DNAH6: variants seen among roughly 807,000 people sequenced by gnomAD.
The protein encoded by DNAH6 is dynein axonemal heavy chain 6.
DNAH6 carries 340 observed loss-of-function variants against 491.4 expected under a neutral mutation model. The observed-to-expected ratio is 0.69, with a 90% confidence interval of 0.63 to 0.76. The LOEUF (loss-of-function observed/expected upper bound fraction) is 0.76. Ranked by LOEUF, DNAH6 falls within the 30% of genes least tolerant of loss-of-function variation. The probability of loss-of-function intolerance (pLI) is 0.00; values close to 1 mark genes in which losing one functional copy is unlikely to be tolerated. For missense variants in DNAH6, 4,443 were observed against 4,972.2 expected, an observed-to-expected ratio of 0.89 and a Z score of 3.20; for synonymous variants, 1,603 against 1,686.1, an observed-to-expected ratio of 0.95 and a Z score of 1.21.
intron 59 of DNAH6, among the ~76,000 whole-genome samples, chr2:84,721,911 G>T (rs1374744989): frequency 2.0e-5 from 3 of 152,304 alleles, no homozygotes; most frequent in East Asian, 3.9e-4. Flanking sequence ...AAAACAGTGG[G>T]GGAAGAGAGA....
At position 84,694,243 on chromosome 2, in the gene DNAH6, T is replaced by C; in HGVS notation, c.7293-6T>C. 6.4e-7 allele frequency: 1 copy of C among 1,551,286 alleles called. No individual in the cohort carries two copies. ...TGAAATAAACCCTCTGCTCTGATGT[T>C]TGCAGGATTGCTCGGATGATACGTC... is the stretch of plus-strand genomic sequence containing the variant. On this transcript the variant is annotated splice_polypyrimidine_tract_variant and splice_region_variant and intron_variant, in intron 45 of 76. Coordinates refer to ENST00000389394, the MANE Select transcript of DNAH6 (RefSeq NM_001370.2).
At chr2:84,764,764 C>A (rs936356403) in intron 64 of DNAH6, among the ~76,000 whole-genome samples, 17 of 152,042 alleles carry the variant, frequency 1.1e-4, no homozygotes, top group African/African-American at 4.1e-4. Flanking sequence ...ACATATTATT[C>A]TTTTTTATGA....
chr2:84,466,472 A>G, the DNAH6 span, among the ~76,000 whole-genome samples: 1 of 152,270 alleles, frequency 6.6e-6, no homozygotes, highest in East Asian at 1.9e-4. Flanking sequence ...TGTTCACAGT[A>G]GCTTACTCTA....
chr2:84,547,517 G>A lies in DNAH6; in HGVS notation c.1091G>A (p.Arg364Gln), dbSNP rs770563696. Residue 364 changes from arginine to glutamine, a missense_variant, in exon 7 of 77, where the codon CGA (arginine) becomes CAA (glutamine). Coordinates refer to ENST00000389394, the MANE Select transcript of DNAH6 (RefSeq NM_001370.2). ...AEVTERLGEF[R>Q]NEAKYVVRRA... Reference sequence around the variant, plus strand: ...GTGACAGAACGCCTAGGAGAATTTCGAAATGAGGCAAAATATGTAGTCAGG... The same window carrying A: ...GTGACAGAACGCCTAGGAGAATTTCAAAATGAGGCAAAATATGTAGTCAGG... 47 of 1,551,476 alleles carry A rather than the reference G, an allele frequency of 3.0e-5. No individual in the cohort carries two copies. In the South Asian group the frequency reaches 3.7e-4, roughly 12 times the overall value.
intron 64 of DNAH6, among the ~76,000 whole-genome samples, chr2:84,770,989 C>T (rs1436603580): frequency 7.9e-6 from 1 of 127,062 alleles, no homozygotes; most frequent in Non-Finnish European, 1.7e-5. Flanking sequence ...GATCCTCTGT[C>T]AAAAAAAAAA....
the DNAH6 span, among the ~76,000 whole-genome samples, chr2:84,465,575 C>A: frequency 6.6e-6 from 1 of 152,136 alleles, no homozygotes; most frequent in Non-Finnish European, 1.5e-5. Context: ...GCAATATATT[C>A]CACAAGGGTA....
chr2:84,777,563 T>C (rs1573779383), intron 64 of DNAH6: 2 of 781,046 alleles, frequency 2.6e-6, no homozygotes, highest in East Asian at 4.9e-5. Context: ...CTTGTGAACC[T>C]CTTTCCACTG....
At chr2:84,770,763 A>T (rs1675523901) in intron 64 of DNAH6, among the ~76,000 whole-genome samples, 1 of 152,050 alleles carries the variant, frequency 6.6e-6, no homozygotes, top group Non-Finnish European at 1.5e-5. Context: ...TGGAAGGATC[A>T]TGTGAAGCTA....
chr2:84,609,627 A>G (rs527405245), intron 21 of DNAH6, among the ~76,000 whole-genome samples: 1 of 152,206 alleles, frequency 6.6e-6, no homozygotes, highest in African/African-American at 2.4e-5. Flanking sequence ...AACAATTATA[A>G]TCACAACATC....
intron 33 of DNAH6, among the ~76,000 whole-genome samples, 190 bp from the exon 34 acceptor site, chr2:84,653,129 C>T (rs2104563288): frequency 6.6e-6 from 1 of 152,080 alleles, no homozygotes; most frequent in South Asian, 2.1e-4. Context: ...AGGAAACAAA[C>T]AAAATCATAC....
At chr2:84,610,170 C>T (rs545907513) in intron 21 of DNAH6, among the ~76,000 whole-genome samples, 1 of 152,246 alleles carries the variant, frequency 6.6e-6, no homozygotes, top group South Asian at 2.1e-4. Context: ...CTTGCTGGCA[C>T]TCAGCTAGAG....
In DNAH6 at chr2:84,816,038, C is replaced by T. The variant is rs1350574249; in HGVS notation, c.12328C>T (p.Pro4110Ser). ...GCCAAGCCCAACACTTTACCACTGC[C>T]CACTTTATAAAACAGGAGCCCGGGC... The part of the protein sequence containing the change: ...YKPSPTLYHC[P>S]LYKTGARAGT... Residue 4110 changes from proline (P) to serine (S), a missense_variant, in exon 76 of 77, where the codon CCA becomes TCA. By Grantham distance (74) the Pro-to-Ser change is moderately conservative (BLOSUM62 -1). Coordinates refer to ENST00000389394, the MANE Select transcript of DNAH6 (RefSeq NM_001370.2). 1.5e-5 allele frequency: 23 copies of T among 1,551,658 alleles called. No individual in the cohort carries two copies. Among genetic ancestry groups the T allele is most frequent in the Non-Finnish European group, 1.9e-5 (22 of 1,146,994 alleles).
the DNAH6 span, among the ~76,000 whole-genome samples, chr2:84,485,611 T>C: frequency 1.3e-5 from 2 of 152,136 alleles, no homozygotes; most frequent in Admixed American, 1.3e-4. Context: ...TACGTGCTGC[T>C]GTAAACATCC....
In DNAH6 at chr2:84,621,174, C is replaced by T. The variant is rs1687359880; in HGVS notation, c.3793-17C>T. On this transcript the variant is annotated splice_polypyrimidine_tract_variant and intron_variant, in intron 24 of 76. Transcript: ENST00000389394. ...TCCCACACAAGCCACTTTATCAATG[C>T]TCTGATTACCTTTTAGGTTAGCTTG... is the stretch of plus-strand genomic sequence containing the variant. 1.3e-6 allele frequency: 2 copies of T among 1,550,756 alleles called. No homozygotes were observed. The highest frequency in any genetic ancestry group is 2.7e-5 in the African/African-American group (2 of 73,018).
In DNAH6 at chr2:84,529,117, A is replaced by G. The variant is rs1157675445; in HGVS notation, c.613A>G (p.Ile205Val). The change falls in exon 4 of 77, where the codon ATC (isoleucine) becomes GTC (valine). Residue 205 changes from isoleucine (I) to valine (V), a missense_variant. This residue lies in a region of DNAH6 where 2,977 missense variants were observed against 3,296.6 expected (regional missense o/e 0.90). Coordinates refer to ENST00000389394, the MANE Select transcript of DNAH6 (RefSeq NM_001370.2). ...TGAACATCTTGGATTTCTTTATATG[A>G]TCCCTGCAGTGCCAAGATCATCCAT... ...ENEHLGFLYM[I>V]PAVPRSSIEY... The G allele has an allele frequency of 3.9e-6, 6 of 1,550,492 alleles. No homozygotes were observed. The highest frequency in any genetic ancestry group is 2.4e-5 in the East Asian group (1 of 40,900).
chr2:84,738,535 T>C (rs1672220787), intron 62 of DNAH6, among the ~76,000 whole-genome samples: 2 of 152,214 alleles, frequency 1.3e-5, no homozygotes, highest in South Asian at 2.1e-4. Context: ...CAATGTTGGA[T>C]ACACATATAT....
At chr2:84,654,929 A>T in intron 35 of DNAH6, 147 bp downstream of exon 35, 1 of 894,370 alleles carries the variant, frequency 1.1e-6, no homozygotes, top group Non-Finnish European at 1.7e-6. Flanking sequence ...GAATTCCTGG[A>T]ATCGTCCAGG....
At chr2:84,819,241 C>A in intron 76 of DNAH6, 64 bp from the exon 77 acceptor site, 1 of 1,205,478 alleles carries the variant, frequency 8.3e-7, no homozygotes, top group Non-Finnish European at 1.2e-6. Flanking sequence ...TTTGTAGCCT[C>A]TCTCTTTGTA....
chr2:84,718,453 G>C, intron 59 of DNAH6, 69 bp downstream of exon 59: 3 of 1,293,136 alleles, frequency 2.3e-6, no homozygotes, highest in Non-Finnish European at 3.1e-6. Flanking sequence ...AGCCTTTGAG[G>C]GTCCTGCAAG....
Sources: gnomAD v4.1 joint callset for allele counts (sites outside exome capture counted in the v4.1 genomes callset) on GRCh38, gnomAD v4.1.1 for gene constraint, gnomAD v4.1.1 regional missense constraint, MANE v1.5 for transcripts, NCBI Gene and HGNC (gene_info 2026-07-23, HGNC 2026-07-21) for gene names.